Variants in IL34 observed in about 807,000 individuals in gnomAD.
IL34 encodes the protein interleukin 34, also known as interleukin-34.
IL34 carries 17 observed loss-of-function variants against 25.3 expected under a neutral mutation model. That is an observed-to-expected ratio of 0.67 (90% CI 0.46 to 1.01). IL34 has a LOEUF of 1.01. Ranked by LOEUF, IL34 falls within the 50% of genes least tolerant of loss-of-function variation. IL34 has a pLI of 0.00. For synonymous variants in IL34, 174 were observed against 140.9 expected (o/e 1.23, Z -1.66); for missense variants, 368 against 312.9 (o/e 1.18, Z -1.33).
chr16:70,625,333 G>T (rs1285411191), intron 1 of IL34, among the ~76,000 whole-genome samples: 1 of 152,008 alleles, frequency 6.6e-6, no homozygotes, highest in Non-Finnish European at 1.5e-5. Flanking sequence ...AAAGTGGGAA[G>T]GGGGGTCGGG....
At chr16:70,603,754 A>C (rs1237896717) in intron 1 of IL34, among the ~76,000 whole-genome samples, 4 of 150,950 alleles carry the variant, frequency 2.6e-5, no homozygotes, top group African/African-American at 9.8e-5. Context: ...TAATTTTTAA[A>C]TTTTTTCTGT....
intron 1 of IL34, among the ~76,000 whole-genome samples, chr16:70,587,562 C>T (rs188048843): frequency 6.6e-6 from 1 of 152,122 alleles, no homozygotes; most frequent in Non-Finnish European, 1.5e-5. Context: ...TGAGCCACCG[C>T]GCCCCGCTGA....
At chr16:70,604,149 C>T (rs2050961896) in intron 1 of IL34, among the ~76,000 whole-genome samples, 1 of 152,208 alleles carries the variant, frequency 6.6e-6, no homozygotes, top group African/African-American at 2.4e-5. Context: ...GCAAATCCAA[C>T]CATGAACCAG....
intron 1 of IL34, among the ~76,000 whole-genome samples, chr16:70,614,552 C>T (rs903190925): frequency 1.3e-5 from 2 of 152,222 alleles, no homozygotes; most frequent in African/African-American, 4.8e-5. Context: ...AGCTGCTGAA[C>T]ACGGAACCTG....
At chr16:70,598,545 C>A (rs1026542260) in intron 1 of IL34, among the ~76,000 whole-genome samples, 1 of 152,018 alleles carries the variant, frequency 6.6e-6, no homozygotes, top group African/African-American at 2.4e-5. Context: ...TTGAGACCAG[C>A]CTGGCCAACA....
intron 1 of IL34, 129 bp from the exon 2 acceptor site, chr16:70,654,409 C>A: frequency 7.8e-7 from 1 of 1,282,712 alleles, no homozygotes; most frequent in Non-Finnish European, 1.1e-6. Flanking sequence ...CCGTGCCCCC[C>A]ACCACACCTT....
rs764248511 is a variant in IL34 at position 70,654,576 on chromosome 16, C to A, written c.67C>A (p.Pro23Thr). The change falls in exon 2 of 6, where the codon CCT becomes ACT. Residue 23 changes from proline (P) to threonine (T), a missense_variant. Coordinates refer to ENST00000288098, the MANE Select transcript of IL34 (RefSeq NM_001393494.1). ...IFLGVALGNEPLEMWPLTQNE... is the reference protein window; with the variant it reads ...IFLGVALGNETLEMWPLTQNE... ...CCTTGGCGTGGCCTTGGGGAATGAG[C>A]CTTTGGAGATGTGGCCCTTGACGCA... 32 of 1,613,330 alleles carry A rather than the reference C, an allele frequency of 2.0e-5. No individual in the cohort carries two copies. The highest frequency in any genetic ancestry group is 2.6e-5 in the Non-Finnish European group (31 of 1,179,574).
In IL34 at chr16:70,620,147, C is replaced by T. The variant is rs533109956; in HGVS notation, c.-400-26401C>T. ...TAATTTTTGGAGTTTTATTTAATGT[C>T]GGGAGCACATTGGGTAATAAAATGT... On this transcript the variant is annotated intron_variant, in intron 1 of 6. Transcript: ENST00000429149. Among the ~76,000 whole-genome samples, 258 of 152,148 alleles carry T rather than the reference C, an allele frequency of 1.7e-3. 1 individual carries two copies. Among genetic ancestry groups the T allele is most frequent in the African/African-American group, 6.0e-3 (249 of 41,492 alleles).
At chr16:70,621,634 C>T (rs1310215301) in intron 1 of IL34, among the ~76,000 whole-genome samples, 1 of 152,114 alleles carries the variant, frequency 6.6e-6, no homozygotes, top group Non-Finnish European at 1.5e-5. Flanking sequence ...TGTGAAGAGA[C>T]CATCAAACAG....
At chr16:70,631,083 CA>C (rs2051507937) in intron 1 of IL34, among the ~76,000 whole-genome samples, 1 of 152,316 alleles carries the variant, frequency 6.6e-6, no homozygotes, top group African/African-American at 2.4e-5. Context: ...ACTGAAGATG[CA>C]AAATCCATGG....
chr16:70,649,605 A>G (rs113716847), intron 1 of IL34, among the ~76,000 whole-genome samples: 31 of 152,178 alleles, frequency 2.0e-4, no homozygotes, highest in African/African-American at 7.5e-4. Flanking sequence ...GTTCGGGTGA[A>G]TGTGGATTTG....
At chr16:70,607,710 C>T (rs1219962791) in intron 1 of IL34, among the ~76,000 whole-genome samples, 2 of 151,748 alleles carry the variant, frequency 1.3e-5, no homozygotes, top group African/African-American at 2.4e-5. Flanking sequence ...TGGATTTTGT[C>T]ACAGGCTTTC....
chr16:70,629,440 G>T (rs575093696), intron 1 of IL34, among the ~76,000 whole-genome samples: 3 of 152,078 alleles, frequency 2.0e-5, no homozygotes, highest in African/African-American at 7.2e-5. Context: ...GTATACTTGC[G>T]GAACCGGTTC....
chr16:70,605,818 C>T (rs765119109), intron 1 of IL34, among the ~76,000 whole-genome samples: 1 of 151,776 alleles, frequency 6.6e-6, no homozygotes, highest in Non-Finnish European at 1.5e-5. Flanking sequence ...TTACAGGTGC[C>T]CGTCACCACG....
chr16:70,625,042 A>T (rs531625413), intron 1 of IL34, among the ~76,000 whole-genome samples: 1 of 152,218 alleles, frequency 6.6e-6, no homozygotes, highest in South Asian at 2.1e-4. Flanking sequence ...AGCAAGAATT[A>T]TTTAGATTTT....
At chr16:70,629,031 C>A (rs2051460071) in intron 1 of IL34, among the ~76,000 whole-genome samples, 1 of 152,118 alleles carries the variant, frequency 6.6e-6, no homozygotes, top group African/African-American at 2.4e-5. Flanking sequence ...CTCAAGTGAT[C>A]CTCCCAAAGC....
rs780278766 is a variant in IL34, at chr16:70,646,926, CAG to C, written c.-21_-20del. 26 of 1,480,170 alleles carry C rather than the reference CAG, an allele frequency of 1.8e-5. No individual in the cohort carries two copies. The South Asian group carries it at 2.5e-4, about 14-fold the overall frequency. 91.7% of individuals were successfully genotyped at this position (1,480,170 alleles called of 1,614,324 possible). On this transcript the variant is annotated 5_prime_UTR_variant, in exon 1 of 6. Transcript: ENST00000288098. ...CTGCTGGGGACGGCGCCTGAGCTCT[CAG>C]GGGGACGAGGAACACCACCATGCCC... is the stretch of plus-strand genomic sequence containing the variant.
intron 1 of IL34, among the ~76,000 whole-genome samples, chr16:70,621,963 ACTT>A (rs1474166296): frequency 2.6e-5 from 4 of 151,838 alleles, no homozygotes; most frequent in African/African-American, 9.7e-5. Flanking sequence ...GGGCATATTC[ACTT>A]CTTTTGTGAT....
At chr16:70,607,966 C>T (rs1247241084) in intron 1 of IL34, among the ~76,000 whole-genome samples, 1 of 151,886 alleles carries the variant, frequency 6.6e-6, no homozygotes, top group African/African-American at 2.4e-5. Context: ...CGGGGTTTTG[C>T]CATGTTGGCC....
Sources: gnomAD v4.1 joint callset for allele counts (sites outside exome capture counted in the v4.1 genomes callset) on GRCh38, gnomAD v4.1.1 for gene constraint, MANE v1.5 for transcripts, NCBI Gene and HGNC (gene_info 2026-07-23, HGNC 2026-07-21) for gene names.